The following ABCB4 variants were observed in gnomAD, a reference collection of about 807,000 sequenced individuals.
ABCB4 encodes the protein phosphatidylcholine translocator ABCB4.
In ABCB4, 76 loss-of-function variants were observed where a neutral mutation model predicts 145.7. That is an observed-to-expected ratio of 0.52 (90% CI 0.43 to 0.63). The LOEUF (loss-of-function observed/expected upper bound fraction) is 0.63. Ranked by LOEUF, ABCB4 falls within the 30% of genes least tolerant of loss-of-function variation. The probability of loss-of-function intolerance (pLI) is 0.00; values close to 1 mark genes in which losing one functional copy is unlikely to be tolerated. For missense variants in ABCB4, 1,234 were observed against 1,553.1 expected (o/e 0.79, Z 3.45); for synonymous variants, 517 against 566.8 (o/e 0.91, Z 1.25).
rs778431142 is a variant in ABCB4, at chr7:87,447,018, TAGG to T, written c.1005+13_1005+15del. 1 of 1,597,486 alleles carries T rather than the reference TAGG, an allele frequency of 6.3e-7. No individual in the cohort carries two copies. The highest frequency in any genetic ancestry group is 8.6e-7 in the Non-Finnish European group (1 of 1,165,164). On this transcript the variant is annotated intron_variant, in intron 9 of 27. Coordinates refer to ENST00000649586, the MANE Select transcript of ABCB4 (RefSeq NM_000443.4). ...AGATTTTCATATTCTTCATAAATGTTAGGAGAACTACTTACTGTCATTGCATTT... is the reference window on the plus strand; with the variant it reads ...AGATTTTCATATTCTTCATAAATGTTAGAACTACTTACTGTCATTGCATTT...
At chr7:87,469,114 G>A (rs1813168756) in intron 3 of ABCB4, among the ~76,000 whole-genome samples, 1 of 151,768 alleles carries the variant, frequency 6.6e-6, no homozygotes, top group Admixed American at 6.6e-5. Flanking sequence ...CAGAACCAAA[G>A]AAAAAAACCA....
At chr7:87,470,417 C>A (rs1813282020) in intron 3 of ABCB4, among the ~76,000 whole-genome samples, 1 of 152,192 alleles carries the variant, frequency 6.6e-6, no homozygotes, top group Non-Finnish European at 1.5e-5. Flanking sequence ...AAGAAACTAT[C>A]ATTAGAGTGA....
At chr7:87,459,563 C>G (rs2116872548) in intron 4 of ABCB4, among the ~76,000 whole-genome samples, 1 of 151,924 alleles carries the variant, frequency 6.6e-6, no homozygotes, top group East Asian at 1.9e-4. Context: ...ATTTTTTTAA[C>G]CCTGTGTAGA....
At chr7:87,427,175 A>G (rs1047242508) in intron 15 of ABCB4, among the ~76,000 whole-genome samples, 8 of 152,130 alleles carry the variant, frequency 5.3e-5, no homozygotes, top group African/African-American at 1.9e-4. Context: ...TTAAAGACAC[A>G]TTTTTCGTAA....
At chr7:87,458,595 CT>C (rs1483016587) in intron 4 of ABCB4, among the ~76,000 whole-genome samples, 1 of 152,166 alleles carries the variant, frequency 6.6e-6, no homozygotes, top group Admixed American at 6.5e-5. Flanking sequence ...AACTCTACAA[CT>C]CTCAACACAT....
the ABCB4 span, among the ~76,000 whole-genome samples, chr7:87,388,940 A>G: frequency 6.6e-6 from 1 of 152,256 alleles, no homozygotes; most frequent in Non-Finnish European, 1.5e-5. Context: ...GAAAAAAACA[A>G]CCCCATCAAA....
the ABCB4 span, chr7:87,369,607 T>TA: frequency 2.8e-6 from 1 of 361,378 alleles, no homozygotes; most frequent in Non-Finnish European, 4.9e-6. Context: ...TATGCATGCT[T>TA]TTTTAAAAAA....
the ABCB4 span, among the ~76,000 whole-genome samples, chr7:87,396,245 A>G: frequency 6.6e-6 from 1 of 152,200 alleles, no homozygotes; most frequent in Non-Finnish European, 1.5e-5. Flanking sequence ...CCTGAGCAAT[A>G]TAGTAAGACC....
intron 14 of ABCB4, among the ~76,000 whole-genome samples, chr7:87,439,272 G>T (rs779976321): frequency 1.2e-4 from 19 of 152,166 alleles, no homozygotes; most frequent in Non-Finnish European, 1.9e-4. Context: ...AGATAAAGAT[G>T]ATGTCACTGC....
At chr7:87,388,131 C>T in the ABCB4 span, among the ~76,000 whole-genome samples, 1 of 152,108 alleles carries the variant, frequency 6.6e-6, no homozygotes, top group East Asian at 1.9e-4. Context: ...CTCCAAGGTA[C>T]CTCACTTCAA....
chr7:87,384,237 T>C, the ABCB4 span, among the ~76,000 whole-genome samples: 1 of 152,092 alleles, frequency 6.6e-6, no homozygotes, highest in Non-Finnish European at 1.5e-5. Flanking sequence ...GAAATGTCTA[T>C]TAAGATCATT....
downstream of ABCB4, chr7:87,398,445 G>T: frequency 6.6e-7 from 1 of 1,525,882 alleles, no homozygotes; most frequent in Non-Finnish European, 9.0e-7. Context: ...ATATCCAGAT[G>T]AAATAAAGTC....
At chr7:87,436,205 A>T (rs1810598092) in intron 14 of ABCB4, among the ~76,000 whole-genome samples, 1 of 152,184 alleles carries the variant, frequency 6.6e-6, no homozygotes, top group Non-Finnish European at 1.5e-5. Flanking sequence ...TCAGTTGGAA[A>T]ATGAAGTTGT....
At chr7:87,448,427 G>T (rs1811488755) in intron 8 of ABCB4, among the ~76,000 whole-genome samples, 2 of 152,190 alleles carry the variant, frequency 1.3e-5, no homozygotes, top group African/African-American at 4.8e-5. Context: ...GGTCTTCAGG[G>T]TGCTTTCCTC....
At position 87,447,221 on chromosome 7, in the gene ABCB4, G is replaced by C. The variant is rs1456865305; in HGVS notation, c.834-16C>G. 1.2e-6 allele frequency: 2 copies of C among 1,608,566 alleles called. No homozygotes were observed. Among genetic ancestry groups the C allele is most frequent in the African/African-American group, 1.3e-5 (1 of 74,888 alleles). On this transcript the variant is annotated splice_polypyrimidine_tract_variant and intron_variant, in intron 8 of 27. Coordinates refer to ENST00000649586, the MANE Select transcript of ABCB4 (RefSeq NM_000443.4). ...TTTCTGATACCTACCAGAAAAATGA[G>C]AGGGAAAACATTATAATTAAGAATA...
At chr7:87,366,944 T>C in the ABCB4 span, among the ~76,000 whole-genome samples, 1 of 152,174 alleles carries the variant, frequency 6.6e-6, no homozygotes, top group Admixed American at 6.5e-5. Flanking sequence ...GAGAAGACTG[T>C]TTTATGCCTT....
At chr7:87,384,234 C>T in the ABCB4 span, among the ~76,000 whole-genome samples, 1 of 151,980 alleles carries the variant, frequency 6.6e-6, no homozygotes, top group Admixed American at 6.6e-5. Context: ...TGAGAAATGT[C>T]TATTAAGATC....
chr7:87,382,192 C>T, the ABCB4 span: 1 of 1,578,388 alleles, frequency 6.3e-7, no homozygotes, highest in Non-Finnish European at 8.7e-7. Context: ...GTATATTTTT[C>T]ACTTTTCTCT....
chr7:87,472,492 G>A, intron 3 of ABCB4, 129 bp downstream of exon 3: 5 of 814,882 alleles, frequency 6.1e-6, no homozygotes, highest in Non-Finnish European at 1.0e-5. Flanking sequence ...CCAAAGTGCT[G>A]GGATTACAAG....
Sources: allele counts gnomAD v4.1 joint callset (sites outside exome capture counted in the v4.1 genomes callset), GRCh38; gene constraint gnomAD v4.1.1; transcripts MANE v1.5; gene names NCBI Gene and HGNC (gene_info 2026-07-23, HGNC 2026-07-21).